ITPR2: variants seen among roughly 807,000 people sequenced by gnomAD.
The protein encoded by ITPR2 is inositol 1,4,5-trisphosphate-gated calcium channel ITPR2.
In ITPR2, 207 loss-of-function variants were observed where a neutral mutation model predicts 317.1. The ratio of observed to expected loss-of-function variants is 0.65; its 90% CI spans 0.58 to 0.73. The LOEUF (loss-of-function observed/expected upper bound fraction) is 0.73, where lower values mean the gene tolerates loss of function less well. Ranked by LOEUF, ITPR2 falls within the 30% of genes least tolerant of loss-of-function variation. The pLI, the probability that ITPR2 is intolerant of heterozygous loss-of-function variation, is 0.00. For missense variants in ITPR2, 2,613 were observed against 3,284.0 expected (o/e 0.80, Z 4.99); for synonymous variants, 1,156 against 1,149.1 (o/e 1.01, Z -0.12).
intron 55 of ITPR2, 59 bp from the exon 56 acceptor site, chr12:26,340,387 T>C (rs1938069277): frequency 6.9e-7 from 1 of 1,458,120 alleles, no homozygotes; most frequent in East Asian, 2.5e-5. Context: ...AGAATGTCTA[T>C]AGCTGTTTAT....
chr12:26,519,031 A>G (rs1265772704), intron 37 of ITPR2, among the ~76,000 whole-genome samples: 1 of 152,190 alleles, frequency 6.6e-6, no homozygotes, highest in African/African-American at 2.4e-5. Context: ...CATGTAATAA[A>G]TAAAGGAAAT....
chr12:26,608,803 A>AC (rs144561421), intron 26 of ITPR2, among the ~76,000 whole-genome samples: 20 of 43,340 alleles, frequency 4.6e-4, no homozygotes, highest in African/African-American at 1.1e-3. Context: ...AAAAAAAAAA[A>AC]ACACATCAGG....
chr12:26,674,443 G>T, intron 13 of ITPR2, among the ~76,000 whole-genome samples: 1 of 152,128 alleles, frequency 6.6e-6, no homozygotes, highest in Non-Finnish European at 1.5e-5. Context: ...CAAGCAATGG[G>T]AAAAGGATTC....
At chr12:26,384,162 A>G (rs1939599391) in intron 55 of ITPR2, among the ~76,000 whole-genome samples, 1 of 152,208 alleles carries the variant, frequency 6.6e-6, no homozygotes, top group African/African-American at 2.4e-5. Flanking sequence ...CAGTCTTTGA[A>G]CTGAACTGTA....
Position 26,589,847 on chromosome 12 carries a change from T to TAC in ITPR2, c.4380+5617_4380+5618insGT, listed in dbSNP as rs1315729787. On this transcript the variant is annotated intron_variant, in intron 32 of 56. Coordinates refer to ENST00000381340, the MANE Select transcript of ITPR2 (RefSeq NM_002223.4). ...AAATAAATAAACATATATATATATA[T>TAC]ATATATACACACACACACACACACA... is the stretch of plus-strand genomic sequence containing the variant. 1.1e-3 allele frequency among the ~76,000 whole-genome samples: 40 copies of TAC among 36,086 alleles called. No homozygotes were observed. In the East Asian group the frequency reaches 0.019, roughly 17 times the overall value. 23.7% of individuals were successfully genotyped at this position (36,086 alleles called of 152,430 possible).
rs767904684 is a variant in ITPR2, at chr12:26,487,108, G to A, written c.5514C>T (p.Asp1838=). 3 of 1,612,024 alleles carry A rather than the reference G, an allele frequency of 1.9e-6. No individual in the cohort carries two copies. Among genetic ancestry groups the A allele is most frequent in the Non-Finnish European group, 2.5e-6 (3 of 1,179,358 alleles). Residue 1838 remains aspartate (D), a synonymous_variant, in exon 40 of 57, where the codon GAC becomes GAT. Transcript: ENST00000381340. ...CAGATGTCATCAATTCATTGTCATC[G>A]TCCCTTTTTTTGTTACCTAAATCTA... ...NTIDLGNKKR[D]DDNELMTSGP...
intron 32 of ITPR2, among the ~76,000 whole-genome samples, chr12:26,590,543 G>A (rs542824893): frequency 6.6e-6 from 1 of 152,214 alleles, no homozygotes; most frequent in East Asian, 1.9e-4. Flanking sequence ...TCAATAAATA[G>A]TGCGAGGAAA....
chr12:26,447,070 C>A (rs1387032545), intron 45 of ITPR2, among the ~76,000 whole-genome samples: 1 of 151,950 alleles, frequency 6.6e-6, no homozygotes, highest in Non-Finnish European at 1.5e-5. Flanking sequence ...TCTGTGACAT[C>A]CTCAAATAAA....
intron 2 of ITPR2, among the ~76,000 whole-genome samples, chr12:26,752,035 G>A (rs1949432990): frequency 6.6e-6 from 1 of 152,076 alleles, no homozygotes; most frequent in Admixed American, 6.5e-5. Flanking sequence ...ATTTTCATGG[G>A]TAAACAGTCT....
At chr12:26,582,804 C>T (rs1945435720) in intron 32 of ITPR2, among the ~76,000 whole-genome samples, 1 of 152,154 alleles carries the variant, frequency 6.6e-6, no homozygotes, top group African/African-American at 2.4e-5. Context: ...TCCACAGATA[C>T]ACAGGATGGT....
chr12:26,784,265 C>G (rs1228729734), intron 2 of ITPR2, among the ~76,000 whole-genome samples: 1 of 7,268 alleles, frequency 1.4e-4, no homozygotes, highest in African/African-American at 4.7e-4. Flanking sequence ...ATCTCCCTCT[C>G]CCTCTCCCTC....
At chr12:26,520,898 T>C (rs1039721769) in intron 37 of ITPR2, among the ~76,000 whole-genome samples, 2 of 152,208 alleles carry the variant, frequency 1.3e-5, no homozygotes, top group African/African-American at 4.8e-5. Context: ...TGAAAAATTA[T>C]AGCAGAACAA....
Position 26,495,190 on chromosome 12 carries a change from T to C in ITPR2, c.5144A>G (p.His1715Arg). 1.2e-6 allele frequency: 2 copies of C among 1,609,256 alleles called. No individual in the cohort carries two copies. The highest frequency in any genetic ancestry group is 1.7e-6 in the Non-Finnish European group (2 of 1,175,562). ...AGTTTTGGAGTAGGCTCCTGATAGG[T>C]GTCCATTCACACCAATACTATAATC... Reference protein sequence around the residue: ...KGDYSIGVNGHLSGAYSKTAQ... With the variant: ...KGDYSIGVNGRLSGAYSKTAQ... Residue 1715 changes from histidine to arginine, a missense_variant, in exon 38 of 57, where the codon CAC (histidine) becomes CGC (arginine). Physicochemically the swap from His to Arg is conservative, Grantham distance 29. Around this residue, in one of 9 missense-constraint regions of ITPR2, gnomAD observed 926 missense variants for 1,072.8 expected, o/e 0.86. Transcript: ENST00000381340.
At chr12:26,570,372 T>C (rs1201641496) in intron 34 of ITPR2, among the ~76,000 whole-genome samples, 1 of 152,222 alleles carries the variant, frequency 6.6e-6, no homozygotes, top group Non-Finnish European at 1.5e-5. Context: ...TACTCAGATT[T>C]AATTTTTTTA....
intron 11 of ITPR2, among the ~76,000 whole-genome samples, chr12:26,685,380 G>A (rs1308154475): frequency 3.3e-5 from 5 of 152,078 alleles, no homozygotes; most frequent in African/African-American, 9.7e-5. Context: ...TGGATCCCTC[G>A]AGCCCAGGAG....
chr12:26,500,621 C>A (rs373926373), intron 37 of ITPR2, among the ~76,000 whole-genome samples: 1 of 152,164 alleles, frequency 6.6e-6, no homozygotes, highest in Non-Finnish European at 1.5e-5. Flanking sequence ...GAAATTACAA[C>A]AAAATATCTC....
intron 26 of ITPR2, among the ~76,000 whole-genome samples, chr12:26,606,190 G>A (rs200044977): frequency 1.6e-4 from 24 of 148,106 alleles, no homozygotes; most frequent in Non-Finnish European, 1.8e-4. Flanking sequence ...AATGGGCCTA[G>A]AAAAAAAAAA....
At chr12:26,558,352 G>C (rs1003851662) in intron 35 of ITPR2, among the ~76,000 whole-genome samples, 3 of 152,202 alleles carry the variant, frequency 2.0e-5, no homozygotes, top group African/African-American at 7.2e-5. Context: ...TTCCCCACTT[G>C]AAAGCTTAGG....
intron 37 of ITPR2, among the ~76,000 whole-genome samples, chr12:26,509,541 A>T (rs1943272550): frequency 9.4e-6 from 1 of 106,472 alleles, no homozygotes; most frequent in African/African-American, 3.1e-5. Context: ...CTGAGCTGCT[A>T]TTTCATAAAG....
Sources: allele counts gnomAD v4.1 joint callset (sites outside exome capture counted in the v4.1 genomes callset), GRCh38; gene constraint gnomAD v4.1.1; regional missense constraint gnomAD v4.1.1; transcripts MANE v1.5; gene names NCBI Gene and HGNC (gene_info 2026-07-23, HGNC 2026-07-21).